CTNND2: variants seen among roughly 807,000 people sequenced by gnomAD.
The protein encoded by CTNND2 is catenin delta 2, also known as catenin delta-2.
A neutral mutation model predicts 144.4 loss-of-function variants in CTNND2; 22 were observed. The ratio of observed to expected loss-of-function variants is 0.15; its 90% confidence interval spans 0.11 to 0.22. The LOEUF is 0.22. Ranked by LOEUF, CTNND2 falls within the 10% of genes least tolerant of loss-of-function variation. CTNND2 has a pLI of 1.00. For missense variants in CTNND2, 1,353 were observed against 1,618.8 expected (o/e 0.84, Z 2.82); for synonymous variants, 751 against 695.6 (o/e 1.08, Z -1.25).
intron 1 of CTNND2, among the ~76,000 whole-genome samples, chr5:11,845,487 C>A (rs570457270): frequency 1.3e-5 from 2 of 152,146 alleles, no homozygotes; most frequent in South Asian, 2.1e-4. Flanking sequence ...TGACTAGTGT[C>A]CTTAAGAAAA....
chr5:11,399,380 C>T (rs906244539), intron 5 of CTNND2, among the ~76,000 whole-genome samples: 2 of 150,484 alleles, frequency 1.3e-5, no homozygotes, highest in African/African-American at 5.0e-5. Flanking sequence ...AGAAGTTTAG[C>T]ATTATCTTAG....
chr5:11,315,261 C>T (rs578162280), intron 9 of CTNND2, among the ~76,000 whole-genome samples: 1 of 152,200 alleles, frequency 6.6e-6, no homozygotes, highest in South Asian at 2.1e-4. Context: ...TGATGTAATG[C>T]TGAGCACAGT....
At chr5:10,981,688 G>A in intron 21 of CTNND2, 85 bp downstream of exon 21, 1 of 1,306,788 alleles carries the variant, frequency 7.7e-7, no homozygotes, top group Non-Finnish European at 1.1e-6. Flanking sequence ...TATGTATGTT[G>A]GATGAAAGTT....
intron 12 of CTNND2, among the ~76,000 whole-genome samples, chr5:11,118,498 T>C (rs979887430): frequency 1.3e-5 from 2 of 152,036 alleles, no homozygotes; most frequent in African/African-American, 4.8e-5. Context: ...CCTCTGGAGG[T>C]GTGTGCAGTA....
At chr5:11,750,601 G>A (rs1053461353) in intron 1 of CTNND2, among the ~76,000 whole-genome samples, 2 of 151,828 alleles carry the variant, frequency 1.3e-5, no homozygotes, top group Non-Finnish European at 2.9e-5. Context: ...TGCCCCCAAA[G>A]GGTTCAGCTT....
intron 11 of CTNND2, among the ~76,000 whole-genome samples, chr5:11,198,044 T>C (rs572105659): frequency 1.3e-5 from 2 of 152,300 alleles, no homozygotes; most frequent in South Asian, 4.1e-4. Flanking sequence ...CCTGTCCCCA[T>C]CACATGCACT....
At chr5:11,820,372 A>T (rs73743278) in intron 1 of CTNND2, among the ~76,000 whole-genome samples, 36 of 152,318 alleles carry the variant, frequency 2.4e-4, no homozygotes, top group African/African-American at 8.4e-4. Flanking sequence ...TTAGAAGAAG[A>T]ATGGTGCCGG....
intron 19 of CTNND2, among the ~76,000 whole-genome samples, chr5:10,990,069 ATGCAGC>A (rs1738496785): frequency 6.6e-6 from 1 of 152,220 alleles, no homozygotes. Context: ...GAAGAAAACC[ATGCAGC>A]TCAGACAGCT....
intron 9 of CTNND2, among the ~76,000 whole-genome samples, chr5:11,240,533 CCCA>C (rs1742235149): frequency 8.7e-6 from 1 of 114,502 alleles, no homozygotes. Flanking sequence ...AACACACACA[CCCA>C]ACACACACAC....
chr5:11,462,244 A>T (rs61758953), intron 3 of CTNND2, among the ~76,000 whole-genome samples: 2,136 of 152,200 alleles, frequency 0.014, 53 homozygotes, highest in African/African-American at 0.048. Flanking sequence ...CATAGTTCCA[A>T]TTTTATGGTC....
At position 11,128,779 on chromosome 5, in the gene CTNND2, A is replaced by ATATATAAAT. The variant is rs371018522; in HGVS notation, c.2160-11213_2160-11212insATTTATATA. Among the ~76,000 whole-genome samples, 13 of 65,430 alleles carry ATATATAAAT rather than the reference A, an allele frequency of 2.0e-4. 1 individual carries two copies. In the South Asian group the frequency reaches 2.4e-3, roughly 12 times the overall value. The allele number at this position is 65,430 out of a possible 152,430, so 42.9% of individuals were successfully genotyped here. ...ATATAAATATATATATTATATATAA[A>ATATATAAAT]ATATATAAATATATATTATATATAT... On this transcript the variant is annotated intron_variant, in intron 12 of 21. Transcript: ENST00000304623.
At chr5:11,181,758 ATGTGTGTG>A (rs67991658) in intron 11 of CTNND2, among the ~76,000 whole-genome samples, 1 of 89,172 alleles carries the variant, frequency 1.1e-5, no homozygotes, top group East Asian at 4.3e-4. Flanking sequence ...GGATGTGTGT[ATGTGTGTG>A]TGTGTGTGTC....
intron 10 of CTNND2, among the ~76,000 whole-genome samples, chr5:11,235,997 G>T (rs936678669): frequency 6.6e-6 from 1 of 151,954 alleles, no homozygotes; most frequent in African/African-American, 2.4e-5. Flanking sequence ...TTCCTTATAC[G>T]CAAATGCTTG....
intron 12 of CTNND2, among the ~76,000 whole-genome samples, chr5:11,122,947 C>A (rs554050569): frequency 9.2e-5 from 14 of 152,190 alleles, no homozygotes; most frequent in Non-Finnish European, 1.6e-4. Context: ...CCCCTCAGGG[C>A]AGAGCTGAGG....
chr5:11,276,745 A>G (rs959345583), intron 9 of CTNND2, among the ~76,000 whole-genome samples: 8 of 152,330 alleles, frequency 5.3e-5, no homozygotes, highest in Non-Finnish European at 1.2e-4. Context: ...ACAAAATCCA[A>G]TGACTGGTGT....
chr5:11,318,441 C>T (rs1206014812), intron 9 of CTNND2, among the ~76,000 whole-genome samples: 1 of 152,184 alleles, frequency 6.6e-6, no homozygotes, highest in Non-Finnish European at 1.5e-5. Context: ...GGCAGTTCCA[C>T]CTCCCTCTCC....
intron 2 of CTNND2, among the ~76,000 whole-genome samples, chr5:11,706,814 G>A (rs1044629659): frequency 8.6e-5 from 13 of 151,998 alleles, no homozygotes; most frequent in South Asian, 2.1e-4. Context: ...AGGCCAGCGC[G>A]GTGGCTCAGG....
chr5:11,841,184 C>A (rs565787455), intron 1 of CTNND2, among the ~76,000 whole-genome samples: 12 of 152,274 alleles, frequency 7.9e-5, no homozygotes, highest in African/African-American at 2.9e-4. Context: ...AAAGTGCAAT[C>A]TTTACCCTCT....
At chr5:11,044,195 C>T (rs1332322365) in intron 16 of CTNND2, among the ~76,000 whole-genome samples, 3 of 152,188 alleles carry the variant, frequency 2.0e-5, no homozygotes, top group Non-Finnish European at 4.4e-5. Flanking sequence ...AGCAGTGTCA[C>T]CTTCTGAAAT....
Sources: gnomAD v4.1 joint callset for allele counts (sites outside exome capture counted in the v4.1 genomes callset) on GRCh38, gnomAD v4.1.1 for gene constraint, MANE v1.5 for transcripts, NCBI Gene and HGNC (gene_info 2026-07-23, HGNC 2026-07-21) for gene names.